Variants in MGAT4C observed in about 807,000 individuals in gnomAD.
The protein encoded by MGAT4C is alpha-1,3-mannosyl-glycoprotein 4-beta-N-acetylglucosaminyltransferase C.
In MGAT4C, 19 loss-of-function variants were observed where a neutral mutation model predicts 40.1. The observed-to-expected ratio is 0.47, with a 90% CI of 0.33 to 0.70. The LOEUF is 0.70. Among genes scored for constraint, MGAT4C ranks in the 30% least tolerant of loss-of-function variants. The probability of loss-of-function intolerance (pLI) is 0.02; values close to 1 mark genes in which losing one functional copy is unlikely to be tolerated. For missense variants in MGAT4C, 491 were observed against 563.2 expected, an observed-to-expected ratio of 0.87 and a Z score of 1.30; for synonymous variants, 181 against 187.1, an observed-to-expected ratio of 0.97 and a Z score of 0.27.
chr12:86,667,996 T>C (rs1964157770), intron 2 of MGAT4C, among the ~76,000 whole-genome samples: 1 of 152,258 alleles, frequency 6.6e-6, no homozygotes, highest in Non-Finnish European at 1.5e-5. Flanking sequence ...ACTTGCTATA[T>C]TCTAATTCAA....
At chr12:86,026,646 C>A (rs1890270744) in intron 2 of MGAT4C, among the ~76,000 whole-genome samples, 1 of 151,886 alleles carries the variant, frequency 6.6e-6, no homozygotes, top group Non-Finnish European at 1.5e-5. Flanking sequence ...AAAGTAGTCT[C>A]ATTTATGAGA....
At chr12:86,643,003 A>C (rs1245491208) in intron 2 of MGAT4C, among the ~76,000 whole-genome samples, 2 of 151,766 alleles carry the variant, frequency 1.3e-5, no homozygotes, top group Admixed American at 1.3e-4. Flanking sequence ...AGTACCTAGC[A>C]ATTCCACTGT....
intron 1 of MGAT4C, among the ~76,000 whole-genome samples, chr12:86,147,454 G>A (rs1883696093): frequency 6.6e-6 from 1 of 152,098 alleles, no homozygotes; most frequent in Non-Finnish European, 1.5e-5. Flanking sequence ...TGTTAGCCAG[G>A]ATGGTCTGGA....
intron 1 of MGAT4C, among the ~76,000 whole-genome samples, chr12:86,109,621 C>A (rs959526358): frequency 6.6e-6 from 1 of 151,712 alleles, no homozygotes; most frequent in Non-Finnish European, 1.5e-5. Context: ...TAACTGTTTA[C>A]AAGCATGGAA....
At chr12:86,354,974 C>T (rs573773853) in intron 3 of MGAT4C, among the ~76,000 whole-genome samples, 3 of 152,186 alleles carry the variant, frequency 2.0e-5, no homozygotes, top group Admixed American at 1.3e-4. Context: ...TGGCTGGGGG[C>T]GGCCAGCTTT....
chr12:86,244,140 G>A (rs532044321), intron 1 of MGAT4C, among the ~76,000 whole-genome samples: 93 of 152,242 alleles, frequency 6.1e-4, no homozygotes, highest in African/African-American at 2.1e-3. Context: ...ACGCCTACAC[G>A]CACATAAGCA....
chr12:86,743,616 AG>A (rs1951107546), intron 1 of MGAT4C, among the ~76,000 whole-genome samples: 1 of 151,548 alleles, frequency 6.6e-6, no homozygotes, highest in South Asian at 2.1e-4. Flanking sequence ...GAAAGCACAG[AG>A]GAAATAATGA....
At chr12:86,678,039 T>C (rs994938436) in intron 2 of MGAT4C, among the ~76,000 whole-genome samples, 5 of 152,182 alleles carry the variant, frequency 3.3e-5, no homozygotes, top group Admixed American at 6.6e-5. Flanking sequence ...AGTCTCAAAT[T>C]TATATTTCCA....
chr12:86,709,146 A>T (rs1416962809), intron 2 of MGAT4C, among the ~76,000 whole-genome samples: 1 of 152,128 alleles, frequency 6.6e-6, no homozygotes. Flanking sequence ...GGTCTTTCCC[A>T]TTCTGTTCCT....
chr12:86,587,731 A>T (rs887321923), intron 2 of MGAT4C, among the ~76,000 whole-genome samples: 3 of 151,540 alleles, frequency 2.0e-5, no homozygotes, highest in African/African-American at 4.8e-5. Context: ...GAGTTCACTC[A>T]TGATTTGGCT....
intron 1 of MGAT4C, among the ~76,000 whole-genome samples, chr12:86,215,546 T>C (rs1950638952): frequency 6.6e-6 from 1 of 152,122 alleles, no homozygotes; most frequent in Non-Finnish European, 1.5e-5. Flanking sequence ...CAACTGACCA[T>C]ACCATGTTCA....
At chr12:86,717,248 G>A (rs1343046815) in intron 2 of MGAT4C, among the ~76,000 whole-genome samples, 2 of 150,658 alleles carry the variant, frequency 1.3e-5, no homozygotes, top group African/African-American at 2.4e-5. Flanking sequence ...ACTACACAGA[G>A]TTCATTCTTA....
rs1393613 is a variant in MGAT4C, at chr12:86,071,878, G to T, written c.-56-22155C>A. ...AGGGTATTATTCTGCCTCTTCAAAA[G>T]AATAATTATTGAACACCTTCAATGT... On this transcript the variant is annotated intron_variant, in intron 1 of 4. Transcript: ENST00000611864. Among the ~76,000 whole-genome samples the T allele has an allele frequency of 2.3e-3, 347 of 152,164 alleles. 1 individual carries two copies. The highest frequency in any genetic ancestry group is 7.3e-3 in the African/African-American group (303 of 41,514).
At chr12:86,149,312 T>C (rs560788741) in intron 1 of MGAT4C, among the ~76,000 whole-genome samples, 46 of 152,308 alleles carry the variant, frequency 3.0e-4, no homozygotes, top group African/African-American at 1.1e-3. Context: ...TAAATCCTCA[T>C]TTTAAAATTA....
At chr12:86,045,507 A>G (rs1293949434) in intron 2 of MGAT4C, among the ~76,000 whole-genome samples, 3 of 152,208 alleles carry the variant, frequency 2.0e-5, no homozygotes, top group African/African-American at 7.2e-5. Context: ...TGGTGTGATT[A>G]TCTTTGAGGT....
chr12:86,616,868 T>C (rs909090244), intron 2 of MGAT4C, among the ~76,000 whole-genome samples: 1 of 152,028 alleles, frequency 6.6e-6, no homozygotes, highest in Non-Finnish European at 1.5e-5. Context: ...GGAATAAATG[T>C]TTAGAAGAGT....
chr12:85,985,082 A>G (rs573908850), intron 3 of MGAT4C, among the ~76,000 whole-genome samples: 1 of 152,136 alleles, frequency 6.6e-6, no homozygotes, highest in African/African-American at 2.4e-5. Context: ...ACCTGGCCTT[A>G]TGTGGATTTA....
chr12:86,070,791 C>A (rs1223253360), intron 1 of MGAT4C, among the ~76,000 whole-genome samples: 3 of 151,942 alleles, frequency 2.0e-5, no homozygotes, highest in African/African-American at 7.3e-5. Flanking sequence ...ATTCACAATT[C>A]TAATTTTGTA....
At chr12:86,685,849 T>C (rs549625130) in intron 2 of MGAT4C, among the ~76,000 whole-genome samples, 127 of 151,868 alleles carry the variant, frequency 8.4e-4, no homozygotes, top group African/African-American at 2.9e-3. Context: ...TATTGGTGTA[T>C]AGGAATGCTT....
Sources: allele counts gnomAD v4.1 joint callset (sites outside exome capture counted in the v4.1 genomes callset), GRCh38; gene constraint gnomAD v4.1.1; transcripts MANE v1.5; gene names NCBI Gene and HGNC (gene_info 2026-07-23, HGNC 2026-07-21).